PLCD3: variants seen among roughly 807,000 people sequenced by gnomAD.
PLCD3 encodes 1-phosphatidylinositol 4,5-bisphosphate phosphodiesterase delta-3.
Under a neutral mutation model 82.8 loss-of-function variants are expected in PLCD3, and 62 were observed. That is an observed-to-expected ratio of 0.75 (90% CI 0.61 to 0.93). PLCD3 has a LOEUF of 0.93. Among genes scored for constraint, PLCD3 ranks in the 40% least tolerant of loss-of-function variants. The pLI, the probability that PLCD3 is intolerant of heterozygous loss-of-function variation, is 0.00. For missense variants in PLCD3, 1,023 were observed against 1,103.4 expected (o/e 0.93, Z 1.03); for synonymous variants, 478 against 471.8 (o/e 1.01, Z -0.17).
intron 10 of PLCD3, among the ~76,000 whole-genome samples, chr17:45,114,630 C>G (rs964582188): frequency 6.6e-6 from 1 of 152,134 alleles, no homozygotes; most frequent in Non-Finnish European, 1.5e-5. Flanking sequence ...TGAATGCCCA[C>G]GGCCCTCCAG....
chr17:45,113,778 T>C (rs1012329272), intron 11 of PLCD3, among the ~76,000 whole-genome samples, 173 bp from the exon 12 acceptor site: 1 of 151,856 alleles, frequency 6.6e-6, no homozygotes, highest in African/African-American at 2.4e-5. Flanking sequence ...GCCCCCACTG[T>C]CACCTGTACT....
chr17:45,128,165 G>C (rs1293189446), intron 1 of PLCD3, among the ~76,000 whole-genome samples: 2 of 152,148 alleles, frequency 1.3e-5, no homozygotes, highest in African/African-American at 2.4e-5. Context: ...GGAGCCTGGC[G>C]GGGGCTCGGT....
At chr17:45,127,722 G>A (rs1200558474) in intron 1 of PLCD3, among the ~76,000 whole-genome samples, 1 of 152,138 alleles carries the variant, frequency 6.6e-6, no homozygotes, top group Non-Finnish European at 1.5e-5. Context: ...AGGGCAGGGT[G>A]TGTGTGGGGT....
chr17:45,121,037 G>A lies in PLCD3; in HGVS notation c.419C>T (p.Thr140Ile). ...CTTGCGGCGGCCCTTGAAGGCGATG[G>A]TGAGGCAGCGCGCTGGCGCGAAGGC... is the stretch of plus-strand genomic sequence containing the variant. ...GGAFAPARCL[T>I]IAFKGRRKNL... is the part of the protein sequence containing the mutation. The change falls in exon 3 of 15, where the codon ACC becomes ATC. Residue 140 changes from threonine to isoleucine, a missense_variant. Thr to Ile is a moderately conservative substitution (Grantham distance 89). This residue lies in a region of PLCD3 where 448 missense variants were observed against 406.3 expected (regional missense o/e 1.10). Transcript: ENST00000619929. The A allele has an allele frequency of 1.9e-6, 3 of 1,540,470 alleles. No individual in the cohort carries two copies. Among genetic ancestry groups the A allele is most frequent in the Non-Finnish European group, 2.6e-6 (3 of 1,150,760 alleles).
In PLCD3 at chr17:45,118,153, A is replaced by G; in HGVS notation, c.1116-15T>C. 6.2e-7 allele frequency: 1 copy of G among 1,613,904 alleles called. No individual in the cohort carries two copies. The highest frequency in any genetic ancestry group is 2.2e-5 in the East Asian group (1 of 44,886). ...GGGCAAAGGCCCTGTGTGTGGACAG[A>G]TGGGTGGACGGGCAAGGTGTTGCCA... is the stretch of plus-strand genomic sequence containing the variant. On this transcript the variant is annotated splice_polypyrimidine_tract_variant and intron_variant, in intron 6 of 14. Coordinates refer to ENST00000619929, the MANE Select transcript of PLCD3 (RefSeq NM_133373.5). The surrounding 1 kb of genome is among the most constrained non-coding windows in gnomAD (Gnocchi z 4.1).
chr17:45,132,469 G>A lies in PLCD3; in HGVS notation c.-59C>T. On this transcript the variant is annotated 5_prime_UTR_variant, in exon 1 of 15. Transcript: ENST00000619929. This position sits in a 1 kb window ranked among gnomAD's most constrained non-coding sequence, Gnocchi z 4.6. The stretch of plus-strand genomic sequence containing the variant: ...CTGCACGCGGGGACAGGGCAGCGGG[G>A]CGCCGCTCTGGCCCGGCCCCGGCTC... The A allele has an allele frequency of 9.3e-7, 1 of 1,078,154 alleles. No individual in the cohort carries two copies. Among genetic ancestry groups the A allele is most frequent in the Non-Finnish European group, 1.2e-6 (1 of 865,200 alleles). The allele number at this position is 1,078,154 out of a possible 1,614,324, so 66.8% of individuals were successfully genotyped here.
At chr17:45,120,173 C>T (rs1312925618) in intron 4 of PLCD3, among the ~76,000 whole-genome samples, 152 bp downstream of exon 4, 1 of 152,252 alleles carries the variant, frequency 6.6e-6, no homozygotes, top group African/African-American at 2.4e-5. Flanking sequence ...GCTAACTAAC[C>T]CCAGATGTTG....
chr17:45,126,659 CT>C (rs747164911), intron 1 of PLCD3, among the ~76,000 whole-genome samples: 135 of 142,584 alleles, frequency 9.5e-4, no homozygotes, highest in African/African-American at 1.5e-3. Flanking sequence ...CCATTGTATA[CT>C]TTTTTTTTTT....
At chr17:45,117,930 G>A (rs2054303271) in intron 7 of PLCD3, 64 bp downstream of exon 7, 2 of 1,585,180 alleles carry the variant, frequency 1.3e-6, no homozygotes, top group South Asian at 2.3e-5. Flanking sequence ...CAGCTGGCAT[G>A]TGAGTGCGGA....
rs772339484 is a variant in PLCD3 at position 45,132,229 on chromosome 17, C to G, written c.163+19G>C. 1.6e-6 allele frequency: 2 copies of G among 1,262,802 alleles called. No individual in the cohort carries two copies. Among genetic ancestry groups the G allele is most frequent in the African/African-American group, 3.1e-5 (2 of 65,388 alleles). The allele number at this position is 1,262,802 out of a possible 1,614,324, so 78.2% of individuals were successfully genotyped here. ...GGAACGGTCCGCGCCCACCCCACCG[C>G]CCCTTGCCCGTCACTGACCCATCTT... On this transcript the variant is annotated intron_variant, in intron 1 of 14. Transcript: ENST00000619929. This position sits in a 1 kb window ranked among gnomAD's most constrained non-coding sequence, Gnocchi z 4.6.
intron 1 of PLCD3, among the ~76,000 whole-genome samples, chr17:45,130,491 G>A (rs4986170): frequency 0.84 from 127,218 of 152,046 alleles, 53,521 homozygotes; most frequent in African/African-American, 0.9. Flanking sequence ...CGCGGCACCC[G>A]TGACCCTGCC....
chr17:45,132,307 G>T lies in PLCD3; in HGVS notation c.104C>A (p.Pro35Gln), dbSNP rs747234783. 8.0e-7 allele frequency: 1 copy of T among 1,256,476 alleles called. No homozygotes were observed. Among genetic ancestry groups the T allele is most frequent in the East Asian group, 3.0e-5 (1 of 33,372 alleles). The allele number at this position is 1,256,476 out of a possible 1,614,324, so 77.8% of individuals were successfully genotyped here. A position where few individuals can be genotyped will look rare whatever the true frequency, so the allele number is the denominator to read the frequency against. ...GGTGCCGCCATCGGAGGGAGTCGGC[G>T]GGGACGGGAGAGCGACCGGCGCCGC... is the stretch of plus-strand genomic sequence containing the variant. ...QVAAPVALPS[P>Q]PTPSDGGTKR... The change falls in exon 1 of 15, where the codon CCG becomes CAG. Residue 35 changes from proline to glutamine, a missense_variant. This residue lies in a region of PLCD3 where 448 missense variants were observed against 406.3 expected (regional missense o/e 1.10). Coordinates refer to ENST00000619929, the MANE Select transcript of PLCD3 (RefSeq NM_133373.5). The surrounding 1 kb of genome is among the most constrained non-coding windows in gnomAD (Gnocchi z 4.6).
Position 45,118,832 on chromosome 17 carries a change from T to A in PLCD3, c.896A>T (p.Tyr299Phe), listed in dbSNP as rs1458844603. 6.2e-7 allele frequency: 1 copy of A among 1,609,070 alleles called. No homozygotes were observed. The highest frequency in any genetic ancestry group is 1.3e-5 in the African/African-American group (1 of 74,840). ...CCCCCCACCTGTCTCGTTGAGCTCA[T>A]AGGTCTGAATGAGCTGCTGGGCGCG... Reference protein sequence around the residue: ...LARAQQLIQTYELNETAKQHE... With the variant: ...LARAQQLIQTFELNETAKQHE... The change falls in exon 5 of 15, where the codon TAT (tyrosine) becomes TTT (phenylalanine). Residue 299 changes from tyrosine (Y) to phenylalanine (F), a missense_variant. Coordinates refer to ENST00000619929, the MANE Select transcript of PLCD3 (RefSeq NM_133373.5). The surrounding 1 kb of genome is among the most constrained non-coding windows in gnomAD (Gnocchi z 4.1).
intron 1 of PLCD3, among the ~76,000 whole-genome samples, chr17:45,130,256 C>T (rs2054409406): frequency 1.3e-5 from 2 of 152,154 alleles, no homozygotes; most frequent in Non-Finnish European, 2.9e-5. Context: ...CCAGAGCTCC[C>T]GTGCAGCCTT....
intron 1 of PLCD3, among the ~76,000 whole-genome samples, chr17:45,121,636 C>T (rs915979722): frequency 2.6e-5 from 4 of 152,222 alleles, no homozygotes; most frequent in Non-Finnish European, 5.9e-5. Context: ...GCAGCGGCCT[C>T]TGCAGTCCCT....
chr17:45,123,039 A>G (rs2054353738), intron 1 of PLCD3, among the ~76,000 whole-genome samples: 1 of 152,230 alleles, frequency 6.6e-6, no homozygotes, highest in African/African-American at 2.4e-5. Flanking sequence ...TGTGTGGGCC[A>G]AAAGAAGTAA....
At position 45,118,581 on chromosome 17, in the gene PLCD3, A is replaced by G. The variant is rs1045534455; in HGVS notation, c.914-89T>C. 4 of 1,447,334 alleles carry G rather than the reference A, an allele frequency of 2.8e-6. No individual in the cohort carries two copies. In the East Asian group the frequency reaches 9.1e-5, roughly 33 times the overall value. The allele number at this position is 1,447,334 out of a possible 1,614,324, so 89.7% of individuals were successfully genotyped here. A position where few individuals can be genotyped will look rare whatever the true frequency, so the allele number is the denominator to read the frequency against. ...CCCCCAAGGCCCACTCAGCTTAGGA[A>G]TAATGACTAGACAATCTACTGACTA... On this transcript the variant is annotated intron_variant, in intron 5 of 14. Transcript: ENST00000619929. The surrounding 1 kb of genome is among the most constrained non-coding windows in gnomAD (Gnocchi z 4.1).
intron 11 of PLCD3, 144 bp downstream of exon 11, chr17:45,114,106 C>T (rs2054270185): frequency 1.6e-6 from 1 of 622,596 alleles, no homozygotes; most frequent in African/African-American, 1.9e-5. Context: ...ATTTGATTTT[C>T]CCACCTACAT....
chr17:45,113,921 G>A (rs1236620848), intron 11 of PLCD3, among the ~76,000 whole-genome samples: 1 of 152,160 alleles, frequency 6.6e-6, no homozygotes, highest in Non-Finnish European at 1.5e-5. Context: ...AGACGATACA[G>A]CCCTCCTTTG....
Sources: gnomAD v4.1 joint callset for allele counts (sites outside exome capture counted in the v4.1 genomes callset) on GRCh38, gnomAD v4.1.1 for gene constraint, gnomAD v4.1.1 regional missense constraint, Gnocchi (gnomAD v3.1) non-coding constraint, MANE v1.5 for transcripts, NCBI Gene and HGNC (gene_info 2026-07-23, HGNC 2026-07-21) for gene names.